Variants in IQSEC3 observed in about 807,000 individuals in gnomAD.
IQSEC3 encodes the protein IQ motif and Sec7 domain ArfGEF 3.
In IQSEC3, 50 loss-of-function variants were observed where a neutral mutation model predicts 105.4. The observed-to-expected ratio is 0.47, with a 90% CI of 0.38 to 0.60. IQSEC3 has a LOEUF of 0.60. Ranked by LOEUF, IQSEC3 falls within the 20% of genes least tolerant of loss-of-function variation. The pLI is 0.00. For synonymous variants in IQSEC3, 708 were observed against 746.0 expected, an observed-to-expected ratio of 0.95 and a Z score of 0.83; for missense variants, 1,415 against 1,630.0, an observed-to-expected ratio of 0.87 and a Z score of 2.27.
chr12:175,390 G>A lies in IQSEC3; in HGVS notation c.*357G>A, dbSNP rs769549431. 36 of 231,422 alleles carry A rather than the reference G, an allele frequency of 1.6e-4. No homozygotes were observed. Among genetic ancestry groups the A allele is most frequent in the Non-Finnish European group, 2.4e-4 (29 of 119,724 alleles). 14.3% of individuals were successfully genotyped at this position (231,422 alleles called of 1,614,324 possible). On this transcript the variant is annotated 3_prime_UTR_variant, in exon 14 of 14. Coordinates refer to ENST00000538872, the MANE Select transcript of IQSEC3 (RefSeq NM_001170738.2). ...GCAGGCTTTGAGTCTGTTAGTGCCCGGGGCCTCGGGCCTTGGGCAGCAGCA... is the reference window on the plus strand; with the variant it reads ...GCAGGCTTTGAGTCTGTTAGTGCCCAGGGCCTCGGGCCTTGGGCAGCAGCA...
intron 1 of IQSEC3, among the ~76,000 whole-genome samples, chr12:75,369 T>C (rs1250862965): frequency 6.6e-6 from 1 of 152,168 alleles, no homozygotes; most frequent in East Asian, 1.9e-4. Context: ...TGTTTGGCTC[T>C]GGTAAGGAAA....
At chr12:95,610 A>G (rs1864221095) in intron 1 of IQSEC3, among the ~76,000 whole-genome samples, 1 of 152,206 alleles carries the variant, frequency 6.6e-6, no homozygotes, top group African/African-American at 2.4e-5. Flanking sequence ...CTGCTGAGGT[A>G]GCCAATGTTA....
At chr12:166,876 A>C (rs1164230680) in intron 11 of IQSEC3, 14 of 152,168 alleles carry the variant, frequency 9.2e-5, no homozygotes, top group Admixed American at 7.2e-4. Flanking sequence ...AGGTAGGTGC[A>C]TTGACCCCAC....
intron 1 of IQSEC3, among the ~76,000 whole-genome samples, chr12:72,099 G>GCTCCC (rs1863342320): frequency 6.6e-6 from 1 of 152,250 alleles, no homozygotes; most frequent in Non-Finnish European, 1.5e-5. Flanking sequence ...CCAGCCTCCA[G>GCTCCC]CTCCCTCTTT....
At chr12:73,636 C>T (rs1555068134) in intron 1 of IQSEC3, among the ~76,000 whole-genome samples, 1 of 152,068 alleles carries the variant, frequency 6.6e-6, no homozygotes, top group Non-Finnish European at 1.5e-5. Flanking sequence ...CGCCACTGCA[C>T]TCCAGTCTGG....
chr12:148,259 T>C (rs560149907), intron 5 of IQSEC3: 1 of 152,272 alleles, frequency 6.6e-6, no homozygotes, highest in Admixed American at 6.5e-5. Flanking sequence ...TTGTTAGCAA[T>C]GCAAACTCTC....
At chr12:123,537 G>A (rs1865285302) in intron 2 of IQSEC3, among the ~76,000 whole-genome samples, 1 of 152,226 alleles carries the variant, frequency 6.6e-6, no homozygotes. Flanking sequence ...ATAGAAAAAG[G>A]CAGCAGCAAT....
intron 5 of IQSEC3, among the ~76,000 whole-genome samples, chr12:145,068 C>T (rs1454104696): frequency 7.2e-5 from 11 of 152,174 alleles, no homozygotes; most frequent in African/African-American, 2.7e-4. Context: ...CCTGGCCTCA[C>T]ACAGTGCTCC....
intron 2 of IQSEC3, among the ~76,000 whole-genome samples, chr12:124,963 A>C (rs1366601374): frequency 6.6e-6 from 1 of 152,168 alleles, no homozygotes; most frequent in Non-Finnish European, 1.5e-5. Context: ...CCAGCAGGGC[A>C]GGAAGCCTCC....
At chr12:69,442 T>A (rs1555066889) in intron 1 of IQSEC3, among the ~76,000 whole-genome samples, 1 of 152,276 alleles carries the variant, frequency 6.6e-6, no homozygotes, top group Non-Finnish European at 1.5e-5. Flanking sequence ...TTCTCACCTG[T>A]CCTGCTTTTG....
At chr12:158,156 T>C (rs144971892) in intron 7 of IQSEC3, among the ~76,000 whole-genome samples, 1 of 151,634 alleles carries the variant, frequency 6.6e-6, no homozygotes, top group Non-Finnish European at 1.5e-5. Flanking sequence ...ACTGGCAGAG[T>C]GTGATGTGTG....
At chr12:81,873 C>G (rs782050054) in intron 1 of IQSEC3, among the ~76,000 whole-genome samples, 4 of 152,152 alleles carry the variant, frequency 2.6e-5, no homozygotes, top group Non-Finnish European at 5.9e-5. Flanking sequence ...CCAGGAGAAG[C>G]ACCTAGTGTT....
chr12:140,915 G>A lies in IQSEC3; in HGVS notation c.1992-209G>A, dbSNP rs1021957250. The A allele has an allele frequency of 2.3e-5, 11 of 479,820 alleles. No individual in the cohort carries two copies. In the Admixed American group the frequency reaches 4.5e-4, roughly 20 times the overall value. The allele number at this position is 479,820 out of a possible 1,614,324, so 29.7% of individuals were successfully genotyped here. ...CTCCATCTGCTCTGGAATTCACTTTGTTTGCAGATCTCCCCTGTCCTCCTT... is the reference window on the plus strand; with the variant it reads ...CTCCATCTGCTCTGGAATTCACTTTATTTGCAGATCTCCCCTGTCCTCCTT... On this transcript the variant is annotated intron_variant, in intron 4 of 13. Coordinates refer to ENST00000538872, the MANE Select transcript of IQSEC3 (RefSeq NM_001170738.2).
chr12:68,657 G>A (rs2760702), intron 1 of IQSEC3, among the ~76,000 whole-genome samples: 2 of 152,294 alleles, frequency 1.3e-5, no homozygotes, highest in African/African-American at 2.4e-5. Flanking sequence ...CAATGGTGAT[G>A]CATAAGGGAA....
In IQSEC3 at chr12:175,058, C is replaced by G; in HGVS notation, c.*25C>G. 1 of 1,479,790 alleles carries G rather than the reference C, an allele frequency of 6.8e-7. No individual in the cohort carries two copies. Among genetic ancestry groups the G allele is most frequent in the Non-Finnish European group, 8.9e-7 (1 of 1,117,786 alleles). 91.7% of individuals were successfully genotyped at this position (1,479,790 alleles called of 1,614,324 possible). ...GACTCTGCCCCACCACCCTGCTGTC[C>G]TGGGAGGGCTGGCCACTGGGGGGCC... On this transcript the variant is annotated 3_prime_UTR_variant, in exon 14 of 14. Coordinates refer to ENST00000538872, the MANE Select transcript of IQSEC3 (RefSeq NM_001170738.2).
chr12:162,052 T>C lies in IQSEC3; in HGVS notation c.2570T>C (p.Val857Ala). The change falls in exon 8 of 14, where the codon GTG (valine) becomes GCG (alanine). Residue 857 changes from valine to alanine, a missense_variant. Physicochemically the swap from Val to Ala is moderately conservative, Grantham distance 64. Coordinates refer to ENST00000538872, the MANE Select transcript of IQSEC3 (RefSeq NM_001170738.2). ...TYVTKVEKSI[V>A]GMKTVLSVPH... ...GTCACCAAGGTGGAGAAGTCCATTG[T>C]GGGCATGAAGACAGTGAGTGTCCAC... 5 of 1,613,834 alleles carry C rather than the reference T, an allele frequency of 3.1e-6. 1 individual carries two copies. Among genetic ancestry groups the C allele is most frequent in the African/African-American group, 2.7e-5 (2 of 75,064 alleles).
intron 6 of IQSEC3, 36 bp from the exon 7 acceptor site, chr12:157,492 G>GGGGGGGGGGGGGGGGCCCCCC: frequency 7.2e-7 from 1 of 1,389,474 alleles, no homozygotes; most frequent in Non-Finnish European, 9.8e-7. Flanking sequence ...GGTGGGCGGG[G>GGGGGGGGGGGGGGGGCCCCCC]GCTCAGCGTC....
In IQSEC3 at chr12:157,558, G is replaced by T. The variant is rs782754709; in HGVS notation, c.2307G>T (p.Val769=). Residue 769 remains valine (V), a synonymous_variant, in exon 7 of 14, where the codon GTG becomes GTT. Transcript: ENST00000538872. ...GCTACTGCATGTGCAACCCCGAAGTGGTTCAGCAGTTCCACAACCCCGACA... is the reference window on the plus strand; with the variant it reads ...GCTACTGCATGTGCAACCCCGAAGTTGTTCAGCAGTTCCACAACCCCGACA... ...SQRYCMCNPE[V]VQQFHNPDTI... is the part of the protein sequence containing the mutation. The T allele has an allele frequency of 6.2e-7, 1 of 1,614,110 alleles. No individual in the cohort carries two copies. Among genetic ancestry groups the T allele is most frequent in the Non-Finnish European group, 8.5e-7 (1 of 1,179,980 alleles).
intron 5 of IQSEC3, among the ~76,000 whole-genome samples, chr12:150,613 G>T (rs955738157): frequency 2.0e-5 from 3 of 152,228 alleles, no homozygotes; most frequent in Non-Finnish European, 4.4e-5. Flanking sequence ...CCATGTCGAT[G>T]CTGCCAAGGG....
Sources: gnomAD v4.1 joint callset for allele counts (sites outside exome capture counted in the v4.1 genomes callset) on GRCh38, gnomAD v4.1.1 for gene constraint, MANE v1.5 for transcripts, NCBI Gene and HGNC (gene_info 2026-07-23, HGNC 2026-07-21) for gene names.